KATNBL1: variants seen among roughly 807,000 people sequenced by gnomAD.
KATNBL1 encodes the protein katanin regulatory subunit B1 like 1.
KATNBL1 carries 28 observed loss-of-function variants against 44.7 expected under a neutral mutation model. The observed-to-expected ratio is 0.63, with a 90% CI of 0.46 to 0.86. The LOEUF (loss-of-function observed/expected upper bound fraction) is 0.86, where lower values mean the gene tolerates loss of function less well. Among genes scored for constraint, KATNBL1 ranks in the 40% least tolerant of loss-of-function variants. KATNBL1 has a pLI of 0.00. For synonymous variants in KATNBL1, 78 were observed against 114.9 expected (o/e 0.68, Z 2.06); for missense variants, 272 against 350.7 (o/e 0.78, Z 1.79).
chr15:34,155,939 C>T (rs1025276574), intron 2 of KATNBL1, among the ~76,000 whole-genome samples: 2 of 152,152 alleles, frequency 1.3e-5, no homozygotes, highest in African/African-American at 4.8e-5. Flanking sequence ...ATGTGGGAGT[C>T]GAAAGACCCA....
intron 9 of KATNBL1, chr15:34,142,629 C>G: frequency 2.7e-6 from 1 of 371,978 alleles, no homozygotes; most frequent in Non-Finnish European, 4.9e-6. Context: ...GCTTTCATAG[C>G]TAACATTCAC....
At position 34,155,541 on chromosome 15, in the gene KATNBL1, G is replaced by C. The variant is rs1031007848; in HGVS notation, c.118-857C>G. ...CTGTGAAGGGGTCATTTACTCCTGAGTTTTTTGCTAACTCATTGGACAGAG... is the reference window on the plus strand; with the variant it reads ...CTGTGAAGGGGTCATTTACTCCTGACTTTTTTGCTAACTCATTGGACAGAG... On this transcript the variant is annotated intron_variant, in intron 2 of 9. Coordinates refer to ENST00000256544, the MANE Select transcript of KATNBL1 (RefSeq NM_024713.3). Among the ~76,000 whole-genome samples the C allele has an allele frequency of 3.0e-4, 46 of 152,064 alleles. No homozygotes were observed. In the East Asian group the frequency reaches 4.6e-3, roughly 15 times the overall value.
rs758910903 is a variant in KATNBL1, at chr15:34,147,370, T to C, written c.608+10A>G. On this transcript the variant is annotated intron_variant, in intron 6 of 9. Coordinates refer to ENST00000256544, the MANE Select transcript of KATNBL1 (RefSeq NM_024713.3). ...AATCTTATTTTTTTTCTGAAAAATA[T>C]TGTTTTTACCAATTGGTGAGCACAG... is the stretch of plus-strand genomic sequence containing the variant. 1.2e-6 allele frequency: 2 copies of C among 1,610,848 alleles called. No homozygotes were observed. The highest frequency in any genetic ancestry group is 2.2e-5 in the East Asian group (1 of 44,840).
chr15:34,154,835 G>A (rs948337227), intron 2 of KATNBL1, 151 bp from the exon 3 acceptor site: 8 of 621,052 alleles, frequency 1.3e-5, no homozygotes, highest in Admixed American at 2.9e-5. Flanking sequence ...AGAGCATACC[G>A]GGCATGGGAG....
At chr15:34,169,489 A>G (rs1889091179) in intron 1 of KATNBL1, among the ~76,000 whole-genome samples, 1 of 152,220 alleles carries the variant, frequency 6.6e-6, no homozygotes, top group Non-Finnish European at 1.5e-5. Context: ...AAACAGATTC[A>G]CAGCCGAATT....
chr15:34,153,404 G>A (rs1014749951), intron 3 of KATNBL1, among the ~76,000 whole-genome samples: 1 of 152,124 alleles, frequency 6.6e-6, no homozygotes, highest in Non-Finnish European at 1.5e-5. Flanking sequence ...TTCTAACAAA[G>A]TGGCAAATAA....
chr15:34,141,288 A>G lies in KATNBL1; in HGVS notation c.*1051T>C, dbSNP rs1888144492. 2 of 152,636 alleles carry G rather than the reference A, an allele frequency of 1.3e-5. No homozygotes were observed. Among genetic ancestry groups the G allele is most frequent in the South Asian group, 2.1e-4 (1 of 4,836 alleles). The allele number at this position is 152,636 out of a possible 1,614,324, so 9.5% of individuals were successfully genotyped here. On this transcript the variant is annotated 3_prime_UTR_variant, in exon 10 of 10. Coordinates refer to ENST00000256544, the MANE Select transcript of KATNBL1 (RefSeq NM_024713.3). ...AAAGTGTTGGAATTTAAAATACAAG[A>G]TCAGCATTAACTGTAAACCATTCTA... is the stretch of plus-strand genomic sequence containing the variant.
intron 4 of KATNBL1, among the ~76,000 whole-genome samples, chr15:34,149,510 G>A (rs1008255855): frequency 2.0e-5 from 3 of 151,204 alleles, no homozygotes; most frequent in East Asian, 1.9e-4. Context: ...TGCAACCTCC[G>A]CCTCCCAAGC....
At chr15:34,190,415 A>G (rs1225326618) in intron 1 of KATNBL1, among the ~76,000 whole-genome samples, 2 of 152,224 alleles carry the variant, frequency 1.3e-5, no homozygotes, top group Admixed American at 6.5e-5. Context: ...ATCCCAGAAT[A>G]CACCTTGGGT....
chr15:34,195,701 A>C (rs1033838579), intron 1 of KATNBL1, among the ~76,000 whole-genome samples: 4 of 151,714 alleles, frequency 2.6e-5, no homozygotes, highest in Admixed American at 6.6e-5. Flanking sequence ...AAAAAAAAAA[A>C]AAACCCAAAA....
intron 1 of KATNBL1, among the ~76,000 whole-genome samples, chr15:34,195,693 A>AAAAAAAAAAAAAAAAAAAAAAAAC (rs1359933138): frequency 4.7e-5 from 7 of 150,346 alleles, no homozygotes; most frequent in African/African-American, 1.7e-4. Context: ...GCCATCTCAA[A>AAAAAAAAAAAAAAAAAAAAAAAAC]AAAAAAAAAA....
chr15:34,193,154 T>G (rs1045982434), intron 1 of KATNBL1, among the ~76,000 whole-genome samples: 2 of 144,112 alleles, frequency 1.4e-5, no homozygotes, highest in African/African-American at 5.3e-5. Context: ...GAGGCGGAGC[T>G]TGCAGTGAAC....
chr15:34,203,649 C>A (rs867110531), intron 1 of KATNBL1, among the ~76,000 whole-genome samples: 5 of 152,326 alleles, frequency 3.3e-5, no homozygotes, highest in African/African-American at 7.2e-5. Flanking sequence ...GAGCAGGAAC[C>A]ATGTTCATTG....
chr15:34,147,514 G>A (rs1188460431), intron 5 of KATNBL1, 84 bp from the exon 6 acceptor site: 2 of 973,838 alleles, frequency 2.1e-6, no homozygotes, highest in African/African-American at 3.3e-5. Context: ...CACCGCTTTT[G>A]AGAAATTCAT....
In KATNBL1 at chr15:34,185,014, G is replaced by A. The variant is rs527553878; in HGVS notation, c.-14-21324C>T. ...GAGACAGGGTCTCGCTCTGTGCCTA[G>A]GCTGGAGTGCCATGGTATGATCACA... On this transcript the variant is annotated intron_variant, in intron 1 of 9. Coordinates refer to ENST00000256544, the MANE Select transcript of KATNBL1 (RefSeq NM_024713.3). Among the ~76,000 whole-genome samples, 3 of 152,218 alleles carry A rather than the reference G, an allele frequency of 2.0e-5. No homozygotes were observed. The East Asian group carries it at 5.8e-4, about 29-fold the overall frequency.
At chr15:34,201,905 C>T (rs1250089986) in intron 1 of KATNBL1, among the ~76,000 whole-genome samples, 3 of 152,114 alleles carry the variant, frequency 2.0e-5, no homozygotes, top group African/African-American at 7.2e-5. Flanking sequence ...CCCAATAATA[C>T]AGTATAACAA....
At chr15:34,147,507 C>T (rs572894416) in intron 5 of KATNBL1, 77 bp from the exon 6 acceptor site, 17 of 1,134,370 alleles carry the variant, frequency 1.5e-5, no homozygotes, top group African/African-American at 4.7e-5. Flanking sequence ...TTATTCACAC[C>T]GCTTTTGAGA....
At chr15:34,177,633 T>TAAAA (rs10524351) in intron 1 of KATNBL1, among the ~76,000 whole-genome samples, 1 of 91,906 alleles carries the variant, frequency 1.1e-5, no homozygotes, top group Non-Finnish European at 2.0e-5. Flanking sequence ...AACTCTGTCT[T>TAAAA]AAAAAAAAAA....
intron 1 of KATNBL1, among the ~76,000 whole-genome samples, chr15:34,174,768 C>A (rs1416030036): frequency 1.3e-5 from 2 of 151,880 alleles, no homozygotes; most frequent in Non-Finnish European, 2.9e-5. Context: ...GATTCTCCTG[C>A]CTGGATGGGA....
Sources: gnomAD v4.1 joint callset for allele counts (sites outside exome capture counted in the v4.1 genomes callset) on GRCh38, gnomAD v4.1.1 for gene constraint, MANE v1.5 for transcripts, NCBI Gene and HGNC (gene_info 2026-07-23, HGNC 2026-07-21) for gene names.